Variants in PHYHD1 observed in about 807,000 individuals in gnomAD.
PHYHD1 encodes phytanoyl-CoA dioxygenase domain containing 1.
In PHYHD1, 42 loss-of-function variants were observed where a neutral mutation model predicts 43.6. The observed-to-expected ratio is 0.96, with a 90% CI of 0.75 to 1.25. The LOEUF is 1.25. Among genes scored for constraint, PHYHD1 ranks in the 50% most tolerant of loss-of-function variants. The pLI is 0.00. For missense variants in PHYHD1, 342 were observed against 370.8 expected, an observed-to-expected ratio of 0.92 and a Z score of 0.64; for synonymous variants, 139 against 143.6, an observed-to-expected ratio of 0.97 and a Z score of 0.23.
chr9:128,926,747 A>G, intron 3 of PHYHD1: 1 of 417,556 alleles, frequency 2.4e-6, no homozygotes. Flanking sequence ...CTGGTTTGAG[A>G]CCAGCCAGGA....
intron 4 of PHYHD1, among the ~76,000 whole-genome samples, chr9:128,929,154 C>A (rs1280457145): frequency 1.3e-5 from 2 of 151,894 alleles, no homozygotes; most frequent in Admixed American, 6.6e-5. Flanking sequence ...CAAAGTGAGA[C>A]CTGTCTCTAC....
chr9:128,927,108 G>A lies in PHYHD1; in HGVS notation c.104G>A (p.Arg35Lys), dbSNP rs1320951113. 2 of 1,614,144 alleles carry A rather than the reference G, an allele frequency of 1.2e-6. No individual in the cohort carries two copies. Among genetic ancestry groups the A allele is most frequent in the East Asian group, 4.5e-5 (2 of 44,876 alleles). The change falls in exon 4 of 13, where the codon AGG (arginine) becomes AAG (lysine). Residue 35 changes from arginine to lysine, a missense_variant. By Grantham distance (26) the Arg-to-Lys change is conservative. Coordinates refer to ENST00000372592, the MANE Select transcript of PHYHD1 (RefSeq NM_001100876.2). Reference sequence around the variant, plus strand: ...GAAGAGTGTGTGGCCATGCAACAAAGGATTGGCGAGATAGTGGCTGAAATG... The same window carrying A: ...GAAGAGTGTGTGGCCATGCAACAAAAGATTGGCGAGATAGTGGCTGAAATG... ...SAEECVAMQQ[R>K]IGEIVAEMDV... is the part of the protein sequence containing the mutation.
chr9:128,930,647 A>G (rs1263765647), intron 4 of PHYHD1, among the ~76,000 whole-genome samples: 1 of 151,296 alleles, frequency 6.6e-6, no homozygotes, highest in Non-Finnish European at 1.5e-5. Flanking sequence ...AAAAGAAAAA[A>G]ACAAACAAAA....
In PHYHD1 at chr9:128,923,720, C is replaced by G. The variant is rs964785853; in HGVS notation, c.33+1364C>G. Among the ~76,000 whole-genome samples the G allele has an allele frequency of 2.0e-5, 3 of 152,168 alleles. No individual in the cohort carries two copies. The East Asian group carries it at 5.8e-4, about 29-fold the overall frequency. ...TAAAACAATTCCTAGCTGTGGCTCA[C>G]GTCTGTAATCCCAATCCACTTTGTG... On this transcript the variant is annotated intron_variant, in intron 3 of 12. Coordinates refer to ENST00000372592, the MANE Select transcript of PHYHD1 (RefSeq NM_001100876.2).
intron 3 of PHYHD1, among the ~76,000 whole-genome samples, chr9:128,926,149 C>CTGTGATAT (rs950238076): frequency 1.6e-4 from 24 of 152,054 alleles, no homozygotes; most frequent in Non-Finnish European, 2.9e-4. Flanking sequence ...TCAATATTGG[C>CTGTGATAT]TGAATACATG....
At chr9:128,931,258 T>G (rs953076725) in intron 4 of PHYHD1, among the ~76,000 whole-genome samples, 2 of 151,768 alleles carry the variant, frequency 1.3e-5, no homozygotes, top group African/African-American at 4.8e-5. Context: ...ATTACAGGCG[T>G]GTGCCACCAC....
In PHYHD1 at chr9:128,927,153, G is replaced by T. The variant is rs896178420; in HGVS notation, c.149G>T (p.Arg50Leu). 114 of 1,613,948 alleles carry T rather than the reference G, an allele frequency of 7.1e-5. No individual in the cohort carries two copies. The highest frequency in any genetic ancestry group is 9.5e-5 in the Non-Finnish European group (112 of 1,180,006). The change falls in exon 4 of 13, where the codon CGC becomes CTC. Residue 50 changes from arginine to leucine, a missense_variant. Physicochemically the swap from Arg to Leu is moderately radical, Grantham distance 102. Transcript: ENST00000372592. ...GAAATGGATGTTCCTCTCCACTGCC[G>T]CACAGAATTCTCCACCCAGGAAGAG... ...VAEMDVPLHC[R>L]TEFSTQEEEQ...
chr9:128,925,138 A>G lies in PHYHD1; in HGVS notation c.34-1900A>G, dbSNP rs370661615. On this transcript the variant is annotated intron_variant, in intron 3 of 12. Transcript: ENST00000372592. The stretch of plus-strand genomic sequence containing the variant: ...GAGTGGTGTGTGGAAGCCAGAACTG[A>G]GCATCCCATGGTGGCGGAAGGGGTG... Among the ~76,000 whole-genome samples, 19 of 151,414 alleles carry G rather than the reference A, an allele frequency of 1.3e-4. No homozygotes were observed. In the East Asian group the frequency reaches 3.5e-3, roughly 28 times the overall value.
At chr9:128,922,538 A>G (rs1263370997) in intron 3 of PHYHD1, among the ~76,000 whole-genome samples, 182 bp downstream of exon 3, 1 of 152,100 alleles carries the variant, frequency 6.6e-6, no homozygotes, top group Non-Finnish European at 1.5e-5. Flanking sequence ...CTGGGTGTCT[A>G]GATCACAGGA....
chr9:128,932,241 C>G (rs1235861122), intron 4 of PHYHD1, among the ~76,000 whole-genome samples: 1 of 148,000 alleles, frequency 6.8e-6, no homozygotes, highest in African/African-American at 2.5e-5. Flanking sequence ...TGCAATGGCA[C>G]AATCTCAGCT....
intron 3 of PHYHD1, among the ~76,000 whole-genome samples, chr9:128,924,604 C>A (rs1203227986): frequency 6.7e-6 from 1 of 148,758 alleles, no homozygotes; most frequent in East Asian, 2.0e-4. Flanking sequence ...AGAGAGAGAC[C>A]CTGTCTCTTA....
At position 128,941,542 on chromosome 9, in the gene PHYHD1, C is replaced by G. The variant is rs149723211; in HGVS notation, c.801C>G (p.Ala267=). Residue 267 remains alanine (A), a synonymous_variant, in exon 12 of 13, where the codon GCC becomes GCG. Transcript: ENST00000372592. ...CCTACACTTTCCACCTCATGGAGGC[C>G]TCTGGCACCACCTGGAGCCCGGAGA... The part of the protein sequence containing the change: ...RQAYTFHLME[A]SGTTWSPENW... 3.2e-4 allele frequency: 512 copies of G among 1,614,132 alleles called. 2 individuals carry two copies. The African/African-American group carries it at 6.2e-3, about 20-fold the overall frequency.
At position 128,922,281 on chromosome 9, in the gene PHYHD1, A is replaced by G. The variant is rs201517387; in HGVS notation, c.-41-2A>G. Reference sequence around the variant, plus strand: ...GCTCCTAAACTTTCTCCTCCCCACCAGGAGGCCGCGCTTAGAAGCCGCCCA... The same window carrying G: ...GCTCCTAAACTTTCTCCTCCCCACCGGGAGGCCGCGCTTAGAAGCCGCCCA... On this transcript the variant is annotated splice_acceptor_variant, in intron 2 of 12. Transcript: ENST00000372592. LOFTEE classifies it low-confidence loss of function (5UTR_SPLICE). 70 of 1,549,784 alleles carry G rather than the reference A, an allele frequency of 4.5e-5. No individual in the cohort carries two copies. The East Asian group carries it at 9.8e-4, about 22-fold the overall frequency.
chr9:128,937,936 AGT>A, intron 9 of PHYHD1, 158 bp downstream of exon 9: 1 of 1,520,676 alleles, frequency 6.6e-7, no homozygotes, highest in South Asian at 1.2e-5. Context: ...TTCCCCTGAT[AGT>A]GGATTGGTAG....
intron 4 of PHYHD1, among the ~76,000 whole-genome samples, chr9:128,932,121 C>T (rs1841296159): frequency 6.6e-6 from 1 of 151,242 alleles, no homozygotes; most frequent in Non-Finnish European, 1.5e-5. Context: ...AGGCATGAGC[C>T]ACCGCACCCG....
chr9:128,923,427 G>A (rs746750143), intron 3 of PHYHD1, among the ~76,000 whole-genome samples: 3 of 152,208 alleles, frequency 2.0e-5, no homozygotes, highest in Non-Finnish European at 4.4e-5. Flanking sequence ...TTGGTAGCCC[G>A]AGGGCCAGAG....
chr9:128,927,651 A>G (rs1392146523), intron 4 of PHYHD1, among the ~76,000 whole-genome samples: 3 of 152,216 alleles, frequency 2.0e-5, no homozygotes, highest in African/African-American at 4.8e-5. Flanking sequence ...TGCTGAAATT[A>G]CAGGCTATTA....
intron 4 of PHYHD1, among the ~76,000 whole-genome samples, chr9:128,928,594 T>C (rs1841195341): frequency 6.6e-6 from 1 of 151,900 alleles, no homozygotes; most frequent in Non-Finnish European, 1.5e-5. Context: ...TCCCAGCTAC[T>C]TGGGAGGCTG....
intron 4 of PHYHD1, among the ~76,000 whole-genome samples, chr9:128,931,766 A>G (rs1841283226): frequency 6.6e-6 from 1 of 151,936 alleles, no homozygotes; most frequent in Non-Finnish European, 1.5e-5. Context: ...TGACCTCGTG[A>G]TCCGTCCGCC....
Sources: gnomAD v4.1 joint callset for allele counts (sites outside exome capture counted in the v4.1 genomes callset) on GRCh38, gnomAD v4.1.1 for gene constraint, MANE v1.5 for transcripts, NCBI Gene and HGNC (gene_info 2026-07-23, HGNC 2026-07-21) for gene names.